The following PAK2 variants were observed in gnomAD, a reference collection of about 807,000 sequenced individuals.
PAK2 encodes p21 (RAC1) activated kinase 2.
In PAK2, 21 loss-of-function variants were observed where a neutral mutation model predicts 65.9. That is an observed-to-expected ratio of 0.32 (90% CI 0.23 to 0.46). PAK2 has a LOEUF of 0.46. Among genes scored for constraint, PAK2 ranks in the 20% least tolerant of loss-of-function variants. The probability of loss-of-function intolerance (pLI) is 1.00; values close to 1 mark genes in which losing one functional copy is unlikely to be tolerated. For synonymous variants in PAK2, 204 were observed against 219.7 expected, an observed-to-expected ratio of 0.93 and a Z score of 0.63; for missense variants, 324 against 642.6, an observed-to-expected ratio of 0.50 and a Z score of 5.36.
At chr3:196,821,156 A>T (rs1437690678) in intron 13 of PAK2, among the ~76,000 whole-genome samples, 1 of 152,000 alleles carries the variant, frequency 6.6e-6, no homozygotes. Flanking sequence ...TCTTTTTTTT[A>T]AATTACCATA....
intron 2 of PAK2, among the ~76,000 whole-genome samples, chr3:196,798,471 G>T (rs989423598): frequency 6.6e-6 from 1 of 151,750 alleles, no homozygotes; most frequent in Non-Finnish European, 1.5e-5. Context: ...AGCCTCCCTA[G>T]TAGGTGGGAT....
rs562841142 is a variant in PAK2, at chr3:196,793,398, C to G, written c.188-8529C>G. On this transcript the variant is annotated intron_variant, in intron 2 of 14. Transcript: ENST00000327134. Reference sequence around the variant, plus strand: ...AGACAGGAGATTGGAAGATTTTTCTCTGGATAAACAATGGCCTGGGGAAAA... The same window carrying G: ...AGACAGGAGATTGGAAGATTTTTCTGTGGATAAACAATGGCCTGGGGAAAA... 2.6e-5 allele frequency among the ~76,000 whole-genome samples: 4 copies of G among 152,240 alleles called. No individual in the cohort carries two copies. In the East Asian group the frequency reaches 7.7e-4, roughly 29 times the overall value.
chr3:196,812,142 A>T, intron 8 of PAK2, 77 bp from the exon 9 acceptor site: 2 of 834,114 alleles, frequency 2.4e-6, no homozygotes, highest in Admixed American at 3.6e-5. Context: ...CAATTGCTTG[A>T]AGTGTAAAGT....
intron 1 of PAK2, among the ~76,000 whole-genome samples, chr3:196,762,791 G>A (rs557915393): frequency 7.0e-5 from 8 of 114,320 alleles, no homozygotes; most frequent in South Asian, 5.5e-4. Flanking sequence ...GTGAAACTCC[G>A]TCTCAAAAAA....
chr3:196,826,332 C>T (rs989016758), intron 13 of PAK2, among the ~76,000 whole-genome samples: 2 of 151,880 alleles, frequency 1.3e-5, no homozygotes, highest in African/African-American at 2.4e-5. Flanking sequence ...CCACCACGCC[C>T]GGCTAATTTT....
At chr3:196,761,475 A>G (rs1713961355) in intron 1 of PAK2, among the ~76,000 whole-genome samples, 1 of 81,490 alleles carries the variant, frequency 1.2e-5, no homozygotes, top group Admixed American at 1.5e-4. Flanking sequence ...GGTTGGGGGT[A>G]AGGTCACAGA....
At chr3:196,778,359 A>G (rs2108735973) in intron 1 of PAK2, among the ~76,000 whole-genome samples, 1 of 152,326 alleles carries the variant, frequency 6.6e-6, no homozygotes, top group East Asian at 1.9e-4. Flanking sequence ...CATTCATACA[A>G]AGTTTTTGCG....
chr3:196,799,310 A>G (rs1037094292), intron 2 of PAK2, among the ~76,000 whole-genome samples: 3 of 152,234 alleles, frequency 2.0e-5, no homozygotes, highest in Admixed American at 6.5e-5. Flanking sequence ...AAACCAGGAA[A>G]TACCGAGGCA....
At chr3:196,827,552 A>G (rs1711919207) in intron 14 of PAK2, 3 of 471,210 alleles carry the variant, frequency 6.4e-6, no homozygotes, top group Non-Finnish European at 8.3e-6. Flanking sequence ...GAATTGAACA[A>G]TGAGAACACC....
intron 2 of PAK2, among the ~76,000 whole-genome samples, chr3:196,787,503 C>T (rs549262924): frequency 2.2e-4 from 33 of 150,820 alleles, no homozygotes; most frequent in South Asian, 1.9e-3. Context: ...GGTGTGGACC[C>T]GGGAGGCAGA....
At chr3:196,819,594 A>G (rs1711587229) in intron 12 of PAK2, among the ~76,000 whole-genome samples, 1 of 152,220 alleles carries the variant, frequency 6.6e-6, no homozygotes, top group Non-Finnish European at 1.5e-5. Flanking sequence ...TACATGCATA[A>G]CCAACAGTCT....
At chr3:196,763,065 C>T (rs1267814933) in intron 1 of PAK2, among the ~76,000 whole-genome samples, 1 of 152,002 alleles carries the variant, frequency 6.6e-6, no homozygotes, top group African/African-American at 2.4e-5. Context: ...TGAGATAGAC[C>T]CCCCACCCCC....
chr3:196,824,830 C>A (rs1711776786), intron 13 of PAK2, among the ~76,000 whole-genome samples: 1 of 151,226 alleles, frequency 6.6e-6, no homozygotes. Context: ...AAAACAAGAC[C>A]ATAGGACTGT....
At chr3:196,800,906 A>G (rs911401849) in intron 2 of PAK2, among the ~76,000 whole-genome samples, 2 of 152,114 alleles carry the variant, frequency 1.3e-5, no homozygotes, top group Non-Finnish European at 2.9e-5. Context: ...GATGTCATGG[A>G]CGGTAACTGC....
At chr3:196,761,162 T>A (rs1178648800) in intron 1 of PAK2, among the ~76,000 whole-genome samples, 50 of 140,294 alleles carry the variant, frequency 3.6e-4, no homozygotes, top group African/African-American at 5.6e-4. Context: ...TTTTTTTTTT[T>A]AATTTATTTT....
intron 2 of PAK2, among the ~76,000 whole-genome samples, chr3:196,800,057 C>T (rs1336046724): frequency 6.6e-6 from 1 of 152,158 alleles, no homozygotes; most frequent in Non-Finnish European, 1.5e-5. Flanking sequence ...TTTCATGGAT[C>T]AGAAAACTCG....
At chr3:196,798,912 T>A (rs1715338287) in intron 2 of PAK2, among the ~76,000 whole-genome samples, 1 of 152,196 alleles carries the variant, frequency 6.6e-6, no homozygotes. Flanking sequence ...AAAGGACATC[T>A]TTTAAAAACC....
intron 2 of PAK2, among the ~76,000 whole-genome samples, chr3:196,796,138 C>G (rs540575276): frequency 1.1e-4 from 17 of 152,212 alleles, no homozygotes; most frequent in Non-Finnish European, 2.5e-4. Context: ...GCCGTGCAGC[C>G]GGTTCCTAAC....
chr3:196,776,337 C>T (rs546176483), intron 1 of PAK2, among the ~76,000 whole-genome samples: 13 of 152,244 alleles, frequency 8.5e-5, no homozygotes, highest in South Asian at 6.2e-4. Flanking sequence ...GGTACTTCTG[C>T]GTACCAAAGT....
Sources: allele counts gnomAD v4.1 joint callset (sites outside exome capture counted in the v4.1 genomes callset), GRCh38; gene constraint gnomAD v4.1.1; transcripts MANE v1.5; gene names NCBI Gene and HGNC (gene_info 2026-07-23, HGNC 2026-07-21).